Variants in NIPBL observed in about 807,000 individuals in gnomAD.
NIPBL encodes nipped-B-like protein.
NIPBL carries 19 observed loss-of-function variants against 321.8 expected under a neutral mutation model. That is an observed-to-expected ratio of 0.06 (90% CI 0.04 to 0.09). The LOEUF (loss-of-function observed/expected upper bound fraction) is 0.09. Ranked by LOEUF, NIPBL falls within the 10% of genes least tolerant of loss-of-function variation. NIPBL has a pLI of 1.00. For missense variants in NIPBL, 2,210 were observed against 3,327.0 expected (o/e 0.66, Z 8.26); for synonymous variants, 1,106 against 1,114.1 (o/e 0.99, Z 0.14).
rs777353615 is a variant in NIPBL, at chr5:37,036,375, A to G, written c.5863-4A>G. 10 of 965,712 alleles carry G rather than the reference A, an allele frequency of 1.0e-5. No individual in the cohort carries two copies. Among genetic ancestry groups the G allele is most frequent in the East Asian group, 3.5e-5 (1 of 28,488 alleles). 59.8% of individuals were successfully genotyped at this position (965,712 alleles called of 1,614,324 possible). A position where few individuals can be genotyped will look rare whatever the true frequency, so the allele number is the denominator to read the frequency against. On this transcript the variant is annotated splice_polypyrimidine_tract_variant and splice_region_variant and intron_variant, in intron 32 of 46. Coordinates refer to ENST00000282516, the MANE Select transcript of NIPBL (RefSeq NM_133433.4). The stretch of plus-strand genomic sequence containing the variant: ...TATATATATATATATATATGTATAT[A>G]TAGTTGTTGAAGTCCGAAGAGGATT...
intron 34 of NIPBL, 73 bp from the exon 35 acceptor site, chr5:37,044,274 C>G (rs886731204): frequency 7.1e-7 from 1 of 1,409,530 alleles, no homozygotes; most frequent in South Asian, 1.2e-5. Flanking sequence ...TTTCTGCCCC[C>G]AAATACGTAA....
intron 32 of NIPBL, among the ~76,000 whole-genome samples, chr5:37,035,223 A>C (rs1421479243): frequency 1.3e-5 from 2 of 152,230 alleles, no homozygotes; most frequent in Non-Finnish European, 2.9e-5. Flanking sequence ...GTGAGCTTTG[A>C]TTGTGCCACT....
intron 1 of NIPBL, among the ~76,000 whole-genome samples, chr5:36,887,326 G>A (rs764303262): frequency 6.6e-6 from 1 of 152,124 alleles, no homozygotes; most frequent in Non-Finnish European, 1.5e-5. Flanking sequence ...CCAAAAACTT[G>A]AGTTTACATT....
intron 1 of NIPBL, among the ~76,000 whole-genome samples, chr5:36,906,359 CT>C (rs1225728671): frequency 6.6e-6 from 1 of 152,022 alleles, no homozygotes; most frequent in Non-Finnish European, 1.5e-5. Context: ...TTTTGGGACT[CT>C]TTTAACATTA....
Position 36,885,804 on chromosome 5 carries a change from CAG to C in NIPBL, c.-80+8628_-80+8629del. On this transcript the variant is annotated intron_variant, in intron 1 of 46. Coordinates refer to ENST00000282516, the MANE Select transcript of NIPBL (RefSeq NM_133433.4). ...AGTGTCACTTGGCTGTAGCTAGAGA[CAG>C]ACATCGAGGCTCTCAGGGAGGAGCT... is the stretch of plus-strand genomic sequence containing the variant. 5 of 641,276 alleles carry C rather than the reference CAG, an allele frequency of 7.8e-6. 2 individuals are homozygous for C. The Admixed American group carries it at 9.4e-5, about 12-fold the overall frequency. The allele number at this position is 641,276 out of a possible 1,614,324, so 39.7% of individuals were successfully genotyped here. A position where few individuals can be genotyped will look rare whatever the true frequency, so the allele number is the denominator to read the frequency against.
intron 29 of NIPBL, 45 bp from the exon 30 acceptor site, chr5:37,024,533 ACACTAGG>A: frequency 6.7e-7 from 1 of 1,489,576 alleles, no homozygotes; most frequent in East Asian, 2.3e-5. Flanking sequence ...CTAATTTCAT[ACACTAGG>A]CATCTCAATT....
At chr5:37,025,283 T>C (rs1057028691) in intron 30 of NIPBL, among the ~76,000 whole-genome samples, 2 of 152,304 alleles carry the variant, frequency 1.3e-5, no homozygotes, top group East Asian at 3.9e-4. Context: ...GATTGATTTA[T>C]TGATTGTTAT....
At chr5:37,040,940 G>A (rs1752271302) in intron 34 of NIPBL, among the ~76,000 whole-genome samples, 1 of 151,802 alleles carries the variant, frequency 6.6e-6, no homozygotes, top group African/African-American at 2.4e-5. Context: ...ATCTTTTCTT[G>A]GTACTGACCA....
chr5:36,916,031 T>A (rs1748431987), intron 1 of NIPBL, among the ~76,000 whole-genome samples: 1 of 152,230 alleles, frequency 6.6e-6, no homozygotes, highest in Non-Finnish European at 1.5e-5. Flanking sequence ...AGGAACAACA[T>A]CACTCATTGG....
At chr5:37,042,692 G>T (rs1323009185) in intron 34 of NIPBL, among the ~76,000 whole-genome samples, 15 of 151,694 alleles carry the variant, frequency 9.9e-5, no homozygotes, top group Admixed American at 9.8e-4. Flanking sequence ...CCGACATGCT[G>T]GTGCTTCTCC....
rs117916433 is a variant in NIPBL, at chr5:36,920,599, A to G, written c.-79-33019A>G. ...AGACTTCCACTTTCTGTTCATATCTATTTCAAAAAATGTACGTGGCATATT... is the reference window on the plus strand; with the variant it reads ...AGACTTCCACTTTCTGTTCATATCTGTTTCAAAAAATGTACGTGGCATATT... On this transcript the variant is annotated intron_variant, in intron 1 of 46. Transcript: ENST00000282516. Among the ~76,000 whole-genome samples, 21 of 152,300 alleles carry G rather than the reference A, an allele frequency of 1.4e-4. No individual in the cohort carries two copies. The East Asian group carries it at 3.9e-3, about 28-fold the overall frequency.
chr5:36,998,832 A>C (rs1363041092), intron 11 of NIPBL, among the ~76,000 whole-genome samples: 4 of 152,162 alleles, frequency 2.6e-5, no homozygotes, highest in Non-Finnish European at 4.4e-5. Flanking sequence ...TCACTAAAGG[A>C]ATGTACTAGA....
chr5:36,923,272 C>T (rs1276885587), intron 1 of NIPBL, among the ~76,000 whole-genome samples: 1 of 152,082 alleles, frequency 6.6e-6, no homozygotes, highest in Admixed American at 6.6e-5. Flanking sequence ...CACCACTGCA[C>T]TCCAGCGTAG....
chr5:36,985,871 A>G lies in NIPBL; in HGVS notation c.2691A>G (p.Gln897=), dbSNP rs763876444. 9.3e-6 allele frequency: 15 copies of G among 1,613,838 alleles called. No individual in the cohort carries two copies. Among genetic ancestry groups the G allele is most frequent in the South Asian group, 7.7e-5 (7 of 91,090 alleles). Residue 897 remains glutamine (Q), a synonymous_variant, in exon 10 of 47, where the codon CAA becomes CAG. Transcript: ENST00000282516. ...GACCTGACAGTCCTCGTGTTAAACA[A>G]GGAGATTCTAATAAATCAAGATCTG... ...KSRPDSPRVK[Q]GDSNKSRSDK... is the part of the protein sequence containing the mutation.
intron 41 of NIPBL, 96 bp from the exon 42 acceptor site, chr5:37,052,270 A>AG (rs1430908548): frequency 3.7e-5 from 35 of 953,064 alleles, no homozygotes; most frequent in Non-Finnish European, 5.2e-5. Flanking sequence ...TTAAAAAAAA[A>AG]CAATGAAGCT....
intron 1 of NIPBL, among the ~76,000 whole-genome samples, chr5:36,912,409 T>G (rs984427355): frequency 6.6e-6 from 1 of 152,014 alleles, no homozygotes; most frequent in African/African-American, 2.4e-5. Context: ...TATATAAGAC[T>G]CAGGTTTATG....
At chr5:36,915,471 T>A (rs1282866678) in intron 1 of NIPBL, among the ~76,000 whole-genome samples, 3 of 152,144 alleles carry the variant, frequency 2.0e-5, no homozygotes, top group South Asian at 2.1e-4. Context: ...CAAAAGCTCT[T>A]ACTAGATGAA....
intron 1 of NIPBL, among the ~76,000 whole-genome samples, chr5:36,914,406 G>GAAATCCAAAATGATCCA (rs376328096): frequency 0.02 from 2,995 of 152,184 alleles, 86 homozygotes; most frequent in African/African-American, 0.062. Context: ...CCAAAAATCT[G>GAAATCCAAAATGATCCA]AAATCCAAAA....
At chr5:36,892,746 C>G (rs1746437669) in intron 1 of NIPBL, among the ~76,000 whole-genome samples, 1 of 151,168 alleles carries the variant, frequency 6.6e-6, no homozygotes, top group Non-Finnish European at 1.5e-5. Context: ...AGTGAGAACC[C>G]TTGGACACAG....
Sources: allele counts gnomAD v4.1 joint callset (sites outside exome capture counted in the v4.1 genomes callset), GRCh38; gene constraint gnomAD v4.1.1; transcripts MANE v1.5; gene names NCBI Gene and HGNC (gene_info 2026-07-23, HGNC 2026-07-21).